The following CARMIL1 variants were observed in gnomAD, a reference collection of about 807,000 sequenced individuals.
CARMIL1 encodes F-actin-uncapping protein LRRC16A.
Under a neutral mutation model 177.1 loss-of-function variants are expected in CARMIL1, and 90 were observed. The observed-to-expected ratio is 0.51, with a 90% CI of 0.43 to 0.61. The LOEUF (loss-of-function observed/expected upper bound fraction) is 0.61, where lower values mean the gene tolerates loss of function less well. Among genes scored for constraint, CARMIL1 ranks in the 20% least tolerant of loss-of-function variants. The probability of loss-of-function intolerance (pLI) is 0.00; values close to 1 mark genes in which losing one functional copy is unlikely to be tolerated. For synonymous variants in CARMIL1, 577 were observed against 606.2 expected (o/e 0.95, Z 0.71); for missense variants, 1,380 against 1,667.0 (o/e 0.83, Z 3.00).
Position 25,322,533 on chromosome 6 carries a change from CT to C in CARMIL1, c.138+37627del, listed in dbSNP as rs1304860163. On this transcript the variant is annotated intron_variant, in intron 2 of 36. Coordinates refer to ENST00000329474, the MANE Select transcript of CARMIL1 (RefSeq NM_017640.6). ...ATACACACACACAAAAATACACAAA[CT>C]TTAGGTAACATAAATGTGTGTGGCT... 5.9e-5 allele frequency among the ~76,000 whole-genome samples: 9 copies of C among 152,182 alleles called. No homozygotes were observed. In the South Asian group the frequency reaches 1.4e-3, roughly 25 times the overall value.
intron 2 of CARMIL1, among the ~76,000 whole-genome samples, chr6:25,375,506 A>G (rs1171742906): frequency 6.6e-6 from 1 of 152,164 alleles, no homozygotes; most frequent in Non-Finnish European, 1.5e-5. Flanking sequence ...GGAATTATTT[A>G]TGCTTCTTGC....
At chr6:25,373,392 C>CTTTTTTTTTTTTTTTTTG (rs1790622681) in intron 2 of CARMIL1, among the ~76,000 whole-genome samples, 1 of 122,912 alleles carries the variant, frequency 8.1e-6, no homozygotes, top group Non-Finnish European at 1.7e-5. Flanking sequence ...TGGCCTTCGG[C>CTTTTTTTTTTTTTTTTTG]TTTTTTTTTT....
At chr6:25,282,712 G>A (rs148634385) in intron 1 of CARMIL1, among the ~76,000 whole-genome samples, 154 of 152,124 alleles carry the variant, frequency 1.0e-3, no homozygotes, top group African/African-American at 3.4e-3. Context: ...GGATTATATT[G>A]TACACTCTAC....
chr6:25,563,300 T>A, intron 29 of CARMIL1: 1 of 985,400 alleles, frequency 1.0e-6, no homozygotes, highest in Non-Finnish European at 1.2e-6. Context: ...CCAGTTAGAA[T>A]AAAAGATCAA....
At position 25,554,022 on chromosome 6, in the gene CARMIL1, A is replaced by G. The variant is rs772353188; in HGVS notation, c.2518A>G (p.Thr840Ala). Residue 840 changes from threonine (T) to alanine (A), a missense_variant, in exon 28 of 37, where the codon ACA (threonine) becomes GCA (alanine). By Grantham distance (58) the Thr-to-Ala change is moderately conservative. Coordinates refer to ENST00000329474, the MANE Select transcript of CARMIL1 (RefSeq NM_017640.6). This position sits in a 1 kb window ranked among gnomAD's most constrained non-coding sequence, Gnocchi z 4.6. ...ILNKISEVKL[T>A]VASFLSDRIV... is the part of the protein sequence containing the mutation. ...ATTTTCACACAGTGAAGTAAAATTG[A>G]CAGTGGCCTCGTTCCTGTCTGATAG... 6 of 1,598,548 alleles carry G rather than the reference A, an allele frequency of 3.8e-6. No homozygotes were observed. Among genetic ancestry groups the G allele is most frequent in the Non-Finnish European group, 5.1e-6 (6 of 1,171,850 alleles).
intron 2 of CARMIL1, among the ~76,000 whole-genome samples, chr6:25,357,918 G>C (rs531759686): frequency 1.3e-5 from 2 of 152,092 alleles, no homozygotes; most frequent in Admixed American, 1.3e-4. Context: ...GTTTGAAATC[G>C]TACATTTTAT....
chr6:25,615,416 A>AT (rs1431817007), intron 36 of CARMIL1, among the ~76,000 whole-genome samples: 3 of 152,234 alleles, frequency 2.0e-5, no homozygotes, highest in Admixed American at 2.0e-4. Flanking sequence ...TTGTAAGCAC[A>AT]TTTTTTTCAT....
intron 17 of CARMIL1, among the ~76,000 whole-genome samples, chr6:25,505,702 C>T (rs2151033904): frequency 6.6e-6 from 1 of 152,292 alleles, no homozygotes; most frequent in South Asian, 2.1e-4. Context: ...ATCCACCTAC[C>T]TCGGCCTCTC....
At chr6:25,380,375 C>T (rs1384049717) in intron 2 of CARMIL1, among the ~76,000 whole-genome samples, 1 of 152,074 alleles carries the variant, frequency 6.6e-6, no homozygotes, top group Non-Finnish European at 1.5e-5. Context: ...GTGAAAGCAG[C>T]CATAGAAAGT....
Position 25,603,285 on chromosome 6 carries a change from G to A in CARMIL1, c.3553-1527G>A, listed in dbSNP as rs182388562. On this transcript the variant is annotated intron_variant, in intron 33 of 36. Coordinates refer to ENST00000329474, the MANE Select transcript of CARMIL1 (RefSeq NM_017640.6). Reference sequence around the variant, plus strand: ...CTGGCATGGGACTTCCTTTTTAGGGGATCACTTTTCCATAGTGATGCCGAA... The same window carrying A: ...CTGGCATGGGACTTCCTTTTTAGGGAATCACTTTTCCATAGTGATGCCGAA... Among the ~76,000 whole-genome samples, 47 of 152,338 alleles carry A rather than the reference G, an allele frequency of 3.1e-4. 1 individual carries two copies. The highest frequency in any genetic ancestry group is 7.8e-4 in the Admixed American group (12 of 15,304).
intron 5 of CARMIL1, 21 bp downstream of exon 5, chr6:25,435,625 T>G (rs1363799900): frequency 6.4e-7 from 1 of 1,565,454 alleles, no homozygotes; most frequent in Non-Finnish European, 8.7e-7. Flanking sequence ...CTGGGCAGGG[T>G]GAGGAGAGCA....
At chr6:25,371,010 T>TA (rs1302639962) in intron 2 of CARMIL1, among the ~76,000 whole-genome samples, 1 of 152,174 alleles carries the variant, frequency 6.6e-6, no homozygotes, top group Non-Finnish European at 1.5e-5. Flanking sequence ...AGTGAGAACA[T>TA]ACGGTATTTG....
rs371979096 is a variant in CARMIL1 at position 25,556,677 on chromosome 6, C to T, written c.2593-24C>T. On this transcript the variant is annotated intron_variant, in intron 28 of 36. Transcript: ENST00000329474. ...CACTTTCTCTGTACTTTAATTTCTC[C>T]TCGTACACGTCTTGACCTTCTAGGC... 11 of 1,595,956 alleles carry T rather than the reference C, an allele frequency of 6.9e-6. No homozygotes were observed. The African/African-American group carries it at 9.5e-5, about 14-fold the overall frequency.
intron 17 of CARMIL1, among the ~76,000 whole-genome samples, chr6:25,505,170 G>A (rs1178874048): frequency 6.6e-6 from 1 of 152,134 alleles, no homozygotes; most frequent in Admixed American, 6.5e-5. Context: ...ATCAGTTTAT[G>A]GTGAGACAAA....
chr6:25,485,020 G>GTCTC (rs1491543819), intron 12 of CARMIL1, among the ~76,000 whole-genome samples: 1 of 152,106 alleles, frequency 6.6e-6, no homozygotes, highest in African/African-American at 2.4e-5. Context: ...GGGTGACAGA[G>GTCTC]TGAGAACCTG....
At chr6:25,559,633 G>A (rs1333631841) in intron 29 of CARMIL1, among the ~76,000 whole-genome samples, 1 of 152,152 alleles carries the variant, frequency 6.6e-6, no homozygotes, top group African/African-American at 2.4e-5. Flanking sequence ...TACCAAAAAT[G>A]TTTGTTTATA....
intron 24 of CARMIL1, among the ~76,000 whole-genome samples, chr6:25,536,966 C>T (rs214060): frequency 0.43 from 65,123 of 151,898 alleles, 14,124 homozygotes; most frequent in East Asian, 0.49. Context: ...GCAGCTCTAA[C>T]GAAAATATTG....
chr6:25,369,976 C>G (rs1790244856), intron 2 of CARMIL1: 1 of 152,240 alleles, frequency 6.6e-6, no homozygotes, highest in Non-Finnish European at 1.5e-5. Context: ...AATGACGGTG[C>G]TTCTACTCTT....
At chr6:25,384,618 C>A (rs72830727) in intron 2 of CARMIL1, among the ~76,000 whole-genome samples, 14,021 of 152,272 alleles carry the variant, frequency 0.092, 665 homozygotes, top group Non-Finnish European at 0.12. Flanking sequence ...GTTTTTTTAA[C>A]AAACATTGCT....
Sources: allele counts gnomAD v4.1 joint callset (sites outside exome capture counted in the v4.1 genomes callset), GRCh38; gene constraint gnomAD v4.1.1; non-coding constraint Gnocchi (gnomAD v3.1); transcripts MANE v1.5; gene names NCBI Gene and HGNC (gene_info 2026-07-23, HGNC 2026-07-21).